The following TMEM232 variants were observed in gnomAD, a reference collection of about 807,000 sequenced individuals.
The protein encoded by TMEM232 is transmembrane protein 232.
Under a neutral mutation model 78.8 loss-of-function variants are expected in TMEM232, and 80 were observed. That is an observed-to-expected ratio of 1.01 (90% CI 0.85 to 1.22). The LOEUF (loss-of-function observed/expected upper bound fraction) is 1.22, where lower values mean the gene tolerates loss of function less well. TMEM232 is among the 50% of genes most tolerant of loss of function. The probability of loss-of-function intolerance (pLI) is 0.00; values close to 1 mark genes in which losing one functional copy is unlikely to be tolerated. For synonymous variants in TMEM232, 297 were observed against 254.3 expected, an observed-to-expected ratio of 1.17 and a Z score of -1.60; for missense variants, 881 against 742.2, an observed-to-expected ratio of 1.19 and a Z score of -2.17.
chr5:110,660,912 T>G lies in TMEM232; in HGVS notation c.125+6316A>C, dbSNP rs116930248. ...GTTGTTAAGTTTAGTCACCCTATTA[T>G]GCTCTTAAACACTAGAACTTATTCC... On this transcript the variant is annotated intron_variant, in intron 2 of 13. Coordinates refer to ENST00000455884, the MANE Select transcript of TMEM232 (RefSeq NM_001039763.4). 3.5e-4 allele frequency among the ~76,000 whole-genome samples: 53 copies of G among 152,326 alleles called. 1 individual carries two copies. In the East Asian group the frequency reaches 0.01, roughly 29 times the overall value.
chr5:110,661,095 T>A (rs2150103223), intron 2 of TMEM232, among the ~76,000 whole-genome samples: 2 of 152,346 alleles, frequency 1.3e-5, no homozygotes, highest in Middle Eastern at 6.8e-3. Flanking sequence ...TATTTGTCTT[T>A]CTGTGCCTGA....
chr5:110,424,954 T>C (rs1286281715), intron 12 of TMEM232, 38 bp from the exon 13 acceptor site: 2 of 1,359,042 alleles, frequency 1.5e-6, no homozygotes, highest in Admixed American at 2.3e-5. Flanking sequence ...ACATTAGGTA[T>C]AGGTACTCCT....
rs188633403 is a variant in TMEM232, at chr5:110,587,761, T to A, written c.1276+17348A>T. 4.2e-4 allele frequency among the ~76,000 whole-genome samples: 59 copies of A among 139,240 alleles called. 1 individual carries two copies. The highest frequency in any genetic ancestry group is 3.1e-3 in the Admixed American group (40 of 13,018). The allele number at this position is 139,240 out of a possible 152,430, so 91.3% of individuals were successfully genotyped here. A position where few individuals can be genotyped will look rare whatever the true frequency, so the allele number is the denominator to read the frequency against. ...TGTCAAACTTGTCAGGCTGTACAGTTTAAATATGCACATTGTATTATCTGT... is the reference window on the plus strand; with the variant it reads ...TGTCAAACTTGTCAGGCTGTACAGTATAAATATGCACATTGTATTATCTGT... On this transcript the variant is annotated intron_variant, in intron 10 of 13. Coordinates refer to ENST00000455884, the MANE Select transcript of TMEM232 (RefSeq NM_001039763.4).
chr5:110,491,104 CAA>C (rs980732363), intron 12 of TMEM232, among the ~76,000 whole-genome samples: 11 of 151,576 alleles, frequency 7.3e-5, no homozygotes, highest in Non-Finnish European at 1.3e-4. Context: ...CCAGAATATA[CAA>C]AGAGTTTTAT....
intron 1 of TMEM232, among the ~76,000 whole-genome samples, chr5:110,668,492 A>G (rs1790906098): frequency 6.6e-6 from 1 of 152,132 alleles, no homozygotes; most frequent in South Asian, 2.1e-4. Context: ...AGTGAAGAAG[A>G]ATGGAAAGCA....
rs76247591 is a variant in TMEM232, at chr5:110,580,938, T to C, written c.1277-12313A>G. Among the ~76,000 whole-genome samples the C allele has an allele frequency of 2.7e-3, 402 of 151,604 alleles. 1 individual carries two copies. The highest frequency in any genetic ancestry group is 4.3e-3 in the Non-Finnish European group (291 of 67,722). ...AATAGCCACAAAGAAATACAATACC[T>C]AGGAATAGATCTAACCAAGGAGGTG... is the stretch of plus-strand genomic sequence containing the variant. On this transcript the variant is annotated intron_variant, in intron 10 of 13. Transcript: ENST00000455884.
intron 5 of TMEM232, among the ~76,000 whole-genome samples, chr5:110,633,542 C>CT (rs1785423989): frequency 6.7e-6 from 1 of 149,108 alleles, no homozygotes; most frequent in South Asian, 2.1e-4. Context: ...GGGGTGGTTT[C>CT]CCCATGCTCT....
intron 12 of TMEM232, among the ~76,000 whole-genome samples, chr5:110,512,636 G>C (rs563625874): frequency 6.6e-6 from 1 of 152,220 alleles, no homozygotes; most frequent in Non-Finnish European, 1.5e-5. Flanking sequence ...GGATACGAAC[G>C]CTTCAGGAAG....
chr5:110,735,927 A>G (rs1799114521), intron 1 of TMEM232, among the ~76,000 whole-genome samples: 1 of 152,228 alleles, frequency 6.6e-6, no homozygotes, highest in Non-Finnish European at 1.5e-5. Flanking sequence ...CATTCCAAGT[A>G]GAAGTCTTAA....
chr5:110,629,064 T>C (rs1262897560), intron 5 of TMEM232: 1 of 152,050 alleles, frequency 6.6e-6, no homozygotes. Context: ...TTTGTTGTAG[T>C]ACTGTGTTTC....
intron 2 of TMEM232, among the ~76,000 whole-genome samples, chr5:110,647,384 TC>T (rs1787641719): frequency 6.6e-6 from 1 of 151,964 alleles, no homozygotes; most frequent in Non-Finnish European, 1.5e-5. Flanking sequence ...CTTACACATT[TC>T]CTTTTGTCCA....
At chr5:110,581,099 A>G (rs1778156024) in intron 10 of TMEM232, among the ~76,000 whole-genome samples, 1 of 151,976 alleles carries the variant, frequency 6.6e-6, no homozygotes, top group Non-Finnish European at 1.5e-5. Flanking sequence ...AAAGCAATAT[A>G]CAGAGTCAAC....
At chr5:110,400,952 A>G (rs1200980224) in intron 2 of TMEM232, among the ~76,000 whole-genome samples, 3 of 151,900 alleles carry the variant, frequency 2.0e-5, no homozygotes, top group Non-Finnish European at 4.4e-5. Flanking sequence ...TCACCTTTGT[A>G]TTTTGTCATT....
upstream of TMEM232, among the ~76,000 whole-genome samples, chr5:110,728,988 G>A (rs1287782235): frequency 6.6e-6 from 1 of 151,744 alleles, no homozygotes; most frequent in Non-Finnish European, 1.5e-5. Flanking sequence ...GGGTTCAAGC[G>A]ATTCTCCTGC....
chr5:110,575,500 C>T (rs1267469314), intron 10 of TMEM232, among the ~76,000 whole-genome samples: 1 of 152,052 alleles, frequency 6.6e-6, no homozygotes, highest in East Asian at 1.9e-4. Flanking sequence ...AATGTATTAA[C>T]TAAAAATAAT....
At chr5:110,722,251 T>A (rs530665466) in intron 1 of TMEM232, among the ~76,000 whole-genome samples, 4 of 152,280 alleles carry the variant, frequency 2.6e-5, no homozygotes, top group South Asian at 4.1e-4. Context: ...GTATAACAAA[T>A]CACTCCAAAA....
rs546361733 is a variant in TMEM232, at chr5:110,470,444, A to T, written c.1704-45528T>A. On this transcript the variant is annotated intron_variant, in intron 12 of 13. Transcript: ENST00000455884. ...CCCCTGCTTCATAGCCACTGTAAAC[A>T]TCTGTGCCCTGGAACCCAGCATGCT... Among the ~76,000 whole-genome samples, 93 of 152,172 alleles carry T rather than the reference A, an allele frequency of 6.1e-4. 1 individual carries two copies. The highest frequency in any genetic ancestry group is 1.8e-3 in the African/African-American group (74 of 41,538).
chr5:110,615,772 CT>C (rs1782847986), intron 8 of TMEM232, among the ~76,000 whole-genome samples: 1 of 151,802 alleles, frequency 6.6e-6, no homozygotes, highest in Non-Finnish European at 1.5e-5. Flanking sequence ...GACTGTTAGA[CT>C]TTAAATGAAT....
intron 10 of TMEM232, among the ~76,000 whole-genome samples, chr5:110,587,956 TA>T (rs1398409683): frequency 6.6e-6 from 1 of 150,798 alleles, no homozygotes; most frequent in Non-Finnish European, 1.5e-5. Context: ...CATATATATA[TA>T]TTTTTTTAAA....
Sources: gnomAD v4.1 joint callset for allele counts (sites outside exome capture counted in the v4.1 genomes callset) on GRCh38, gnomAD v4.1.1 for gene constraint, MANE v1.5 for transcripts, NCBI Gene and HGNC (gene_info 2026-07-23, HGNC 2026-07-21) for gene names.